The following GARNL3 variants were observed in gnomAD, a reference collection of about 807,000 sequenced individuals.
The protein encoded by GARNL3 is GTPase activating Rap/RanGAP domain like 3.
In GARNL3, 63 loss-of-function variants were observed where a neutral mutation model predicts 125.0. The ratio of observed to expected loss-of-function variants is 0.50; its 90% CI spans 0.41 to 0.62. The LOEUF (loss-of-function observed/expected upper bound fraction) is 0.62. GARNL3 is among the 20% of genes least tolerant of loss of function. The probability of loss-of-function intolerance (pLI) is 0.00; values close to 1 mark genes in which losing one functional copy is unlikely to be tolerated. For synonymous variants in GARNL3, 439 were observed against 457.5 expected (o/e 0.96, Z 0.52); for missense variants, 994 against 1,244.0 (o/e 0.80, Z 3.02).
At chr9:127,310,583 T>C (rs184984585) in intron 2 of GARNL3, among the ~76,000 whole-genome samples, 163 of 152,170 alleles carry the variant, frequency 1.1e-3, no homozygotes, top group Non-Finnish European at 1.5e-3. Context: ...GAGACCAGCC[T>C]GGCCAACATG....
At chr9:127,226,836 CATGA>C (rs1564832432) in intron 1 of GARNL3, among the ~76,000 whole-genome samples, 1 of 152,164 alleles carries the variant, frequency 6.6e-6, no homozygotes, top group Admixed American at 6.5e-5. Flanking sequence ...GTTGCTGGAG[CATGA>C]AGGATGTGAG....
chr9:127,280,357 A>G lies in GARNL3; in HGVS notation c.145-10811A>G, dbSNP rs1291784172. Among the ~76,000 whole-genome samples the G allele has an allele frequency of 3.9e-5, 6 of 152,306 alleles. 1 individual carries two copies. The East Asian group carries it at 7.7e-4, about 20-fold the overall frequency. ...CTTGCCCAGTGTTTTCTTGTCATGA[A>G]AAAGAGGTGCTTGTACGAGTGAGGC... On this transcript the variant is annotated intron_variant, in intron 1 of 27. Transcript: ENST00000373387. The surrounding 1 kb of genome is among the most constrained non-coding windows in gnomAD (Gnocchi z 4.5).
chr9:127,332,993 A>G (rs780078273), intron 8 of GARNL3, 30 bp from the exon 9 acceptor site: 3 of 1,484,380 alleles, frequency 2.0e-6, no homozygotes, highest in East Asian at 4.5e-5. Context: ...TGATGCCCAT[A>G]CTTTCCTCAT....
At chr9:127,239,087 C>T (rs1240003647) in intron 1 of GARNL3, among the ~76,000 whole-genome samples, 1 of 152,176 alleles carries the variant, frequency 6.6e-6, no homozygotes, top group Non-Finnish European at 1.5e-5. Flanking sequence ...TGTATCTGAC[C>T]CCCCTGGCAG....
At chr9:127,309,690 A>G (rs888200249) in intron 2 of GARNL3, among the ~76,000 whole-genome samples, 1 of 152,344 alleles carries the variant, frequency 6.6e-6, no homozygotes, top group Non-Finnish European at 1.5e-5. Flanking sequence ...CATTCATTAC[A>G]TTACATACTG....
At chr9:127,389,397 C>A (rs1210119163) in intron 26 of GARNL3, among the ~76,000 whole-genome samples, 1 of 152,104 alleles carries the variant, frequency 6.6e-6, no homozygotes, top group Non-Finnish European at 1.5e-5. Flanking sequence ...TAGTCTGATA[C>A]CATTTTTAAA....
intron 1 of GARNL3, among the ~76,000 whole-genome samples, chr9:127,229,854 C>T (rs905255939): frequency 5.9e-5 from 9 of 152,194 alleles, no homozygotes; most frequent in African/African-American, 1.9e-4. Flanking sequence ...TTTACCTAAG[C>T]ATCTTGTTGG....
intron 22 of GARNL3, among the ~76,000 whole-genome samples, chr9:127,367,733 A>G (rs1311705143): frequency 6.6e-6 from 1 of 152,208 alleles, no homozygotes; most frequent in African/African-American, 2.4e-5. Flanking sequence ...TGATGCTTTA[A>G]AGATAATCAT....
intron 2 of GARNL3, among the ~76,000 whole-genome samples, chr9:127,306,112 C>T (rs760465481): frequency 2.0e-4 from 30 of 152,200 alleles, no homozygotes; most frequent in Non-Finnish European, 3.5e-4. Context: ...GGTCATTTTC[C>T]ATGCCTTTGA....
chr9:127,360,306 G>A (rs542927735), intron 21 of GARNL3, among the ~76,000 whole-genome samples: 1 of 152,090 alleles, frequency 6.6e-6, no homozygotes, highest in Non-Finnish European at 1.5e-5. Flanking sequence ...ACAGGTGTGA[G>A]CCACCGCACC....
chr9:127,324,558 G>A lies in GARNL3; in HGVS notation c.568-511G>A, dbSNP rs191589044. Among the ~76,000 whole-genome samples the A allele has an allele frequency of 7.9e-5, 12 of 152,292 alleles. No individual in the cohort carries two copies. In the East Asian group the frequency reaches 1.7e-3, roughly 22 times the overall value. ...TGTCAGAGCCTTGGCTTTGGTGTCC[G>A]CTTATCAACCAGAATCTACTTTTTT... On this transcript the variant is annotated intron_variant, in intron 6 of 27. Coordinates refer to ENST00000373387, the MANE Select transcript of GARNL3 (RefSeq NM_032293.5).
intron 16 of GARNL3, among the ~76,000 whole-genome samples, chr9:127,347,125 C>G (rs1021091364): frequency 2.0e-5 from 3 of 152,138 alleles, no homozygotes; most frequent in Non-Finnish European, 2.9e-5. Flanking sequence ...CGTGCACCTG[C>G]CCATTAAAAT....
intron 4 of GARNL3, among the ~76,000 whole-genome samples, chr9:127,314,372 G>A (rs1479516944): frequency 6.6e-6 from 1 of 152,196 alleles, no homozygotes; most frequent in Non-Finnish European, 1.5e-5. Flanking sequence ...CCATGCCCGG[G>A]AAGGGGCCTC....
In GARNL3 at chr9:127,384,521, G is replaced by A. The variant is rs554593765; in HGVS notation, c.2270-506G>A. On this transcript the variant is annotated intron_variant, in intron 23 of 27. Transcript: ENST00000373387. This position sits in a 1 kb window ranked among gnomAD's most constrained non-coding sequence, Gnocchi z 4.0. ...ACCCCTTGATGCCGAGGGACACTGCGAGGGCCAGTGAGGAATAAGATGCAG... is the reference window on the plus strand; with the variant it reads ...ACCCCTTGATGCCGAGGGACACTGCAAGGGCCAGTGAGGAATAAGATGCAG... 9.2e-5 allele frequency among the ~76,000 whole-genome samples: 14 copies of A among 152,314 alleles called. No homozygotes were observed. Among genetic ancestry groups the A allele is most frequent in the African/African-American group, 3.1e-4 (13 of 41,574 alleles).
chr9:127,258,510 G>A (rs1035656098), intron 2 of GARNL3, among the ~76,000 whole-genome samples: 12 of 152,072 alleles, frequency 7.9e-5, no homozygotes, highest in African/African-American at 2.9e-4. Context: ...GTGGTGGTGT[G>A]TGCCTGTAGT....
intron 22 of GARNL3, among the ~76,000 whole-genome samples, chr9:127,374,604 C>G (rs1564191223): frequency 6.6e-6 from 1 of 152,118 alleles, no homozygotes; most frequent in African/African-American, 2.4e-5. Context: ...AATCACCTAT[C>G]TCATACAGGA....
At chr9:127,382,571 C>G (rs1388214257) in intron 22 of GARNL3, among the ~76,000 whole-genome samples, 1 of 152,030 alleles carries the variant, frequency 6.6e-6, no homozygotes, top group Non-Finnish European at 1.5e-5. Flanking sequence ...GTAATCATGC[C>G]ACTGCACTCC....
In GARNL3 at chr9:127,365,340, A is replaced by G. The variant is rs1177408107; in HGVS notation, c.2135A>G (p.Glu712Gly). 6.2e-7 allele frequency: 1 copy of G among 1,613,844 alleles called. No homozygotes were observed. ...VAAIDVYEDGEAGLLLCYNYS... is the reference protein window; with the variant it reads ...VAAIDVYEDGGAGLLLCYNYS... The stretch of plus-strand genomic sequence containing the variant: ...GCTATTGATGTGTACGAAGATGGAG[A>G]AGCTGGTTTGCTGTTGTGTTACAAC... The change falls in exon 22 of 28, where the codon GAA (glutamate) becomes GGA (glycine). Residue 712 changes from glutamate to glycine, a missense_variant. This residue lies in a region of GARNL3 where 728 missense variants were observed against 865.7 expected (regional missense o/e 0.84). Coordinates refer to ENST00000373387, the MANE Select transcript of GARNL3 (RefSeq NM_032293.5).
chr9:127,263,277 A>C (rs1228438167), upstream of GARNL3, among the ~76,000 whole-genome samples: 1 of 152,206 alleles, frequency 6.6e-6, no homozygotes, highest in Non-Finnish European at 1.5e-5. Flanking sequence ...CAGCACAGGG[A>C]GGACCCAGTG....
Sources: gnomAD v4.1 joint callset for allele counts (sites outside exome capture counted in the v4.1 genomes callset) on GRCh38, gnomAD v4.1.1 for gene constraint, gnomAD v4.1.1 regional missense constraint, Gnocchi (gnomAD v3.1) non-coding constraint, MANE v1.5 for transcripts, NCBI Gene and HGNC (gene_info 2026-07-23, HGNC 2026-07-21) for gene names.